GLYR1: variants seen among roughly 807,000 people sequenced by gnomAD.
GLYR1 encodes the protein glyoxylate reductase 1 homolog, also known as cytokine-like nuclear factor N-PAC.
GLYR1 carries 21 observed loss-of-function variants against 72.7 expected under a neutral mutation model. The ratio of observed to expected loss-of-function variants is 0.29; its 90% CI spans 0.20 to 0.42. The LOEUF (loss-of-function observed/expected upper bound fraction) is 0.42. GLYR1 is among the 10% of genes least tolerant of loss of function. The probability of loss-of-function intolerance (pLI) is 1.00; values close to 1 mark genes in which losing one functional copy is unlikely to be tolerated. For synonymous variants in GLYR1, 392 were observed against 270.2 expected (o/e 1.45, Z -4.42); for missense variants, 594 against 712.1 (o/e 0.83, Z 1.89).
Position 4,831,991 on chromosome 16 carries a change from T to G in GLYR1, c.525A>C (p.Pro175=). ...AGAGAAAACAAACCTTCTCATCCTTTGGGGGCCGACCCCGCTTCCGGGGAC... is the reference window on the plus strand; with the variant it reads ...AGAGAAAACAAACCTTCTCATCCTTGGGGGGCCGACCCCGCTTCCGGGGAC... The part of the protein sequence containing the change: ...EQSPRKRGRP[P]KDEKDLTIPE... The change falls in exon 5 of 16, where the codon CCA becomes CCC. Residue 175 remains proline, a synonymous_variant. Coordinates refer to ENST00000321919, the MANE Select transcript of GLYR1 (RefSeq NM_032569.4). The G allele has an allele frequency of 6.2e-7, 1 of 1,613,672 alleles. No individual in the cohort carries two copies. The highest frequency in any genetic ancestry group is 8.5e-7 in the Non-Finnish European group (1 of 1,179,828).
intron 5 of GLYR1, among the ~76,000 whole-genome samples, chr16:4,826,845 C>A (rs1364059776): frequency 6.6e-6 from 1 of 152,114 alleles, no homozygotes; most frequent in Admixed American, 6.6e-5. Flanking sequence ...TTGGGTGGTG[C>A]AGCCCTAGGA....
chr16:4,828,134 A>G lies in GLYR1; in HGVS notation c.537+3845T>C, dbSNP rs547647095. ...ACCCAGGCTGGGGTGCAGTGGCGTGATCTCGGCTCACTTCAAGCTCCGCCT... is the reference window on the plus strand; with the variant it reads ...ACCCAGGCTGGGGTGCAGTGGCGTGGTCTCGGCTCACTTCAAGCTCCGCCT... On this transcript the variant is annotated intron_variant, in intron 5 of 15. Transcript: ENST00000321919. 1.3e-3 allele frequency among the ~76,000 whole-genome samples: 195 copies of G among 151,280 alleles called. 2 individuals are homozygous for G. Among genetic ancestry groups the G allele is most frequent in the African/African-American group, 4.6e-3 (190 of 41,242 alleles).
intron 3 of GLYR1, among the ~76,000 whole-genome samples, chr16:4,836,390 C>T (rs2085134709): frequency 1.3e-5 from 2 of 152,276 alleles, no homozygotes; most frequent in South Asian, 2.1e-4. Context: ...TTTGATTTTC[C>T]TATCATCCTC....
chr16:4,824,239 G>A (rs2141994096), intron 5 of GLYR1, among the ~76,000 whole-genome samples: 1 of 152,262 alleles, frequency 6.6e-6, no homozygotes, highest in Admixed American at 6.5e-5. Context: ...TGGTGGCTGG[G>A]CGTGGTGGCT....
chr16:4,805,190 G>A lies in GLYR1; in HGVS notation c.*46C>T, dbSNP rs773446707. On this transcript the variant is annotated 3_prime_UTR_variant, in exon 16 of 16. Transcript: ENST00000321919. ...GCCCCCGACCCCATGTGAGGAAGAGGGGGTCAGAGGGGGGATTGGAGGGGT... is the reference window on the plus strand; with the variant it reads ...GCCCCCGACCCCATGTGAGGAAGAGAGGGTCAGAGGGGGGATTGGAGGGGT... The A allele has an allele frequency of 6.5e-7, 1 of 1,527,484 alleles. No homozygotes were observed. Among genetic ancestry groups the A allele is most frequent in the Non-Finnish European group, 9.1e-7 (1 of 1,103,218 alleles). The allele number at this position is 1,527,484 out of a possible 1,614,324, so 94.6% of individuals were successfully genotyped here. A position where few individuals can be genotyped will look rare whatever the true frequency, so the allele number is the denominator to read the frequency against.
At chr16:4,843,430 C>T in intron 3 of GLYR1, 1 of 1,189,514 alleles carries the variant, frequency 8.4e-7, no homozygotes, top group Non-Finnish European at 1.1e-6. Flanking sequence ...ACTGGGATTG[C>T]AGGCCTGAGG....
Position 4,823,888 on chromosome 16 carries a change from G to A in GLYR1, c.557C>T (p.Ser186Phe). 1 of 1,613,994 alleles carries A rather than the reference G, an allele frequency of 6.2e-7. No individual in the cohort carries two copies. The highest frequency in any genetic ancestry group is 8.5e-7 in the Non-Finnish European group (1 of 1,179,984). ...KDEKDLTIPE[S>F]STVKGMMAGP... is the part of the protein sequence containing the mutation. ...GGCCATCATCCCCTTCACGGTACTA[G>A]ACTCCGGGATGGTGAGATCCTATAG... Residue 186 changes from serine (S) to phenylalanine (F), a missense_variant, in exon 6 of 16, where the codon TCT becomes TTT. Physicochemically the swap from Ser to Phe is radical, Grantham distance 155. Coordinates refer to ENST00000321919, the MANE Select transcript of GLYR1 (RefSeq NM_032569.4).
At chr16:4,842,109 T>C (rs568777120) in intron 3 of GLYR1, among the ~76,000 whole-genome samples, 1 of 151,988 alleles carries the variant, frequency 6.6e-6, no homozygotes, top group African/African-American at 2.4e-5. Context: ...CTGGGCATGG[T>C]GGTGTGCGCC....
At chr16:4,809,134 G>A (rs1432298455) in intron 15 of GLYR1, among the ~76,000 whole-genome samples, 3 of 147,814 alleles carry the variant, frequency 2.0e-5, no homozygotes, top group African/African-American at 7.5e-5. Context: ...GAAATGGATG[G>A]AAAAATATAC....
At chr16:4,832,744 T>C (rs201473305) in intron 4 of GLYR1, 30 bp downstream of exon 4, 19 of 1,583,334 alleles carry the variant, frequency 1.2e-5, no homozygotes, top group Non-Finnish European at 1.5e-5. Context: ...CAGTCTGGCA[T>C]TGGTAGAAAG....
chr16:4,807,101 T>TA (rs1274643117), intron 15 of GLYR1, among the ~76,000 whole-genome samples: 2 of 139,202 alleles, frequency 1.4e-5, no homozygotes, highest in African/African-American at 5.4e-5. Context: ...CCACTGCGCC[T>TA]GGCCCCTTTT....
intron 10 of GLYR1, among the ~76,000 whole-genome samples, chr16:4,814,867 G>A (rs17137290): frequency 0.042 from 6,453 of 152,212 alleles, 488 homozygotes; most frequent in African/African-American, 0.15. Flanking sequence ...CTAGGATGAT[G>A]AACTGCTTCA....
intron 1 of GLYR1, chr16:4,846,889 A>C: frequency 1.9e-5 from 7 of 364,656 alleles, no homozygotes; most frequent in Non-Finnish European, 2.0e-5. Flanking sequence ...CTTTCTGGGA[A>C]GCCCCAACAA....
Position 4,823,872 on chromosome 16 carries a change from C to A in GLYR1, c.573G>T (p.Gly191=). ...LTIPESSTVK[G]MMAGPMAAFK... ...ACGCGGCCATCGGTCCGGCCATCAT[C>A]CCCTTCACGGTACTAGACTCCGGGA... The change falls in exon 6 of 16, where the codon GGG becomes GGT. Residue 191 remains glycine (G), a synonymous_variant. Coordinates refer to ENST00000321919, the MANE Select transcript of GLYR1 (RefSeq NM_032569.4). The A allele has an allele frequency of 6.2e-7, 1 of 1,614,134 alleles. No homozygotes were observed.
At position 4,813,769 on chromosome 16, in the gene GLYR1, C is replaced by A; in HGVS notation, c.1087G>T (p.Val363Leu). ...PGKCYVDMSTVDADTVTELAQ... is the reference protein window; with the variant it reads ...PGKCYVDMSTLDADTVTELAQ... Reference sequence around the variant, plus strand: ...AGCTCAGTGACGGTGTCAGCGTCCACTGTTGACATGTCCACGTAGCACTTC... The same window carrying A: ...AGCTCAGTGACGGTGTCAGCGTCCAATGTTGACATGTCCACGTAGCACTTC... Residue 363 changes from valine (V) to leucine (L), a missense_variant, in exon 12 of 16, where the codon GTG becomes TTG. Val to Leu is a conservative substitution (Grantham distance 32). Transcript: ENST00000321919. The A allele has an allele frequency of 6.2e-7, 1 of 1,611,942 alleles. No homozygotes were observed. The highest frequency in any genetic ancestry group is 1.1e-5 in the South Asian group (1 of 90,470).
Position 4,810,488 on chromosome 16 carries a change from C to A in GLYR1, c.1587+682G>T, listed in dbSNP as rs113477600. Among the ~76,000 whole-genome samples the A allele has an allele frequency of 7.0e-3, 1,060 of 150,636 alleles. 11 individuals carry two copies. The highest frequency in any genetic ancestry group is 0.025 in the African/African-American group (1,007 of 41,006). The stretch of plus-strand genomic sequence containing the variant: ...TCACACCACTGCACTCCAGCCTGGG[C>A]GACAGAGTGAGACTCTGTCTCAAAA... On this transcript the variant is annotated intron_variant, in intron 15 of 15. Coordinates refer to ENST00000321919, the MANE Select transcript of GLYR1 (RefSeq NM_032569.4).
chr16:4,837,492 C>G (rs1300107320), intron 3 of GLYR1, among the ~76,000 whole-genome samples: 1 of 151,668 alleles, frequency 6.6e-6, no homozygotes, highest in Non-Finnish European at 1.5e-5. Flanking sequence ...CAGCCTATGA[C>G]TAATCTTGAA....
chr16:4,823,047 T>C (rs1184030671), intron 6 of GLYR1, 116 bp from the exon 7 acceptor site: 5 of 861,008 alleles, frequency 5.8e-6, no homozygotes, highest in East Asian at 2.4e-5. Context: ...GGTCTCTTTT[T>C]CACAATTGTC....
Position 4,804,332 on chromosome 16 carries a change from C to G in GLYR1, c.*904G>C, listed in dbSNP as rs59530451. 6.5e-6 allele frequency: 1 copy of G among 152,864 alleles called. No homozygotes were observed. Among genetic ancestry groups the G allele is most frequent in the East Asian group, 1.9e-4 (1 of 5,196 alleles). 9.5% of individuals were successfully genotyped at this position (152,864 alleles called of 1,614,324 possible). A position where few individuals can be genotyped will look rare whatever the true frequency, so the allele number is the denominator to read the frequency against. The stretch of plus-strand genomic sequence containing the variant: ...GCCAGGTGAAGAGTCTGTGGCCTAA[C>G]GGAAACAGAAAGGAGCGCCCCCAAC... On this transcript the variant is annotated 3_prime_UTR_variant, in exon 16 of 16. Coordinates refer to ENST00000321919, the MANE Select transcript of GLYR1 (RefSeq NM_032569.4).
Sources: gnomAD v4.1 joint callset for allele counts (sites outside exome capture counted in the v4.1 genomes callset) on GRCh38, gnomAD v4.1.1 for gene constraint, MANE v1.5 for transcripts, NCBI Gene and HGNC (gene_info 2026-07-23, HGNC 2026-07-21) for gene names.